The following ZBTB20 variants were observed in gnomAD, a reference collection of about 807,000 sequenced individuals.
ZBTB20 encodes the protein zinc finger and BTB domain containing 20.
In ZBTB20, 9 loss-of-function variants were observed where a neutral mutation model predicts 56.9. The observed-to-expected ratio is 0.16, with a 90% CI of 0.10 to 0.28. The LOEUF is 0.28. ZBTB20 is among the 10% of genes least tolerant of loss of function. ZBTB20 has a pLI of 1.00. For missense variants in ZBTB20, 655 were observed against 1,003.0 expected, an observed-to-expected ratio of 0.65 and a Z score of 4.69; for synonymous variants, 417 against 420.7, an observed-to-expected ratio of 0.99 and a Z score of 0.11.
chr3:114,468,382 C>T (rs1420136872), intron 7 of ZBTB20, among the ~76,000 whole-genome samples: 4 of 152,080 alleles, frequency 2.6e-5, no homozygotes, highest in Non-Finnish European at 4.4e-5. Flanking sequence ...AAAAGCTGCC[C>T]TTGGGACTTA....
chr3:114,596,335 T>C (rs551288904), intron 6 of ZBTB20, among the ~76,000 whole-genome samples: 1 of 152,196 alleles, frequency 6.6e-6, no homozygotes, highest in Non-Finnish European at 1.5e-5. Flanking sequence ...AAACTTAGAA[T>C]GCACAATGAT....
intron 5 of ZBTB20, among the ~76,000 whole-genome samples, chr3:114,785,551 T>G (rs2070416338): frequency 6.6e-6 from 1 of 152,156 alleles, no homozygotes; most frequent in South Asian, 2.1e-4. Context: ...TAAAATTTAT[T>G]TTTTAAGTGG....
chr3:115,091,898 T>C (rs1454167884), intron 1 of ZBTB20, among the ~76,000 whole-genome samples: 1 of 152,014 alleles, frequency 6.6e-6, no homozygotes, highest in Admixed American at 6.6e-5. Context: ...TTACAAACAA[T>C]GGCAATACAA....
intron 3 of ZBTB20, among the ~76,000 whole-genome samples, chr3:114,911,203 G>C (rs1173034731): frequency 6.6e-6 from 1 of 151,946 alleles, no homozygotes; most frequent in South Asian, 2.1e-4. Flanking sequence ...ACCTAAGAAG[G>C]CCATTTTGAG....
At chr3:114,533,346 C>T (rs998043626) in intron 6 of ZBTB20, among the ~76,000 whole-genome samples, 6 of 151,582 alleles carry the variant, frequency 4.0e-5, no homozygotes, top group South Asian at 2.1e-4. Flanking sequence ...ATGAAGCATA[C>T]GCAAGTACCA....
chr3:114,631,982 G>A (rs761386004), intron 6 of ZBTB20, among the ~76,000 whole-genome samples: 3 of 152,166 alleles, frequency 2.0e-5, no homozygotes, highest in African/African-American at 4.8e-5. Context: ...AGCAAGGAGC[G>A]TGGTTGTGAG....
At chr3:114,427,218 G>A (rs2089751535) in intron 7 of ZBTB20, among the ~76,000 whole-genome samples, 1 of 152,148 alleles carries the variant, frequency 6.6e-6, no homozygotes, top group Admixed American at 6.5e-5. Flanking sequence ...CCTCTTGATT[G>A]TTTAATATTA....
Position 114,319,754 on chromosome 3 carries a change from G to A in ZBTB20, c.*19251C>T, listed in dbSNP as rs1377410506. On this transcript the variant is annotated 3_prime_UTR_variant, in exon 12 of 12. Transcript: ENST00000675478. ...ACATGGGAAGTCAGAGGACTGAAGC[G>A]TGTCCATGTGTGTACTGTACACATA... is the stretch of plus-strand genomic sequence containing the variant. 2 of 152,056 alleles carry A rather than the reference G, an allele frequency of 1.3e-5. No individual in the cohort carries two copies. The highest frequency in any genetic ancestry group is 2.4e-5 in the African/African-American group (1 of 41,392). The allele number at this position is 152,056 out of a possible 1,614,324, so 9.4% of individuals were successfully genotyped here. A position where few individuals can be genotyped will look rare whatever the true frequency, so the allele number is the denominator to read the frequency against.
At chr3:115,099,557 T>C (rs1220111480) in intron 1 of ZBTB20, among the ~76,000 whole-genome samples, 1 of 152,216 alleles carries the variant, frequency 6.6e-6, no homozygotes, top group African/African-American at 2.4e-5. Context: ...AATTACTCCA[T>C]TCTTACCCAC....
At chr3:114,975,740 G>A (rs1261077040) in intron 2 of ZBTB20, among the ~76,000 whole-genome samples, 1 of 152,126 alleles carries the variant, frequency 6.6e-6, no homozygotes, top group South Asian at 2.1e-4. Context: ...AAGAAAAAAT[G>A]TTCTGATCAT....
At chr3:114,455,623 G>T (rs1328881080) in intron 7 of ZBTB20, among the ~76,000 whole-genome samples, 1 of 152,092 alleles carries the variant, frequency 6.6e-6, no homozygotes, top group Non-Finnish European at 1.5e-5. Flanking sequence ...GGAGAAGGAT[G>T]CTGGAAGAAG....
intron 7 of ZBTB20, chr3:114,453,515 G>C (rs567893961): frequency 6.6e-5 from 10 of 152,248 alleles, no homozygotes; most frequent in Non-Finnish European, 1.2e-4. Context: ...AGTGGCAAAA[G>C]TAGAAGATGT....
chr3:115,139,138 G>A (rs951455189), intron 1 of ZBTB20, among the ~76,000 whole-genome samples: 6 of 151,900 alleles, frequency 3.9e-5, no homozygotes, highest in Non-Finnish European at 7.4e-5. Flanking sequence ...TTTTGGCTAC[G>A]AGGTGATTTA....
intron 6 of ZBTB20, 133 bp from the exon 7 acceptor site, chr3:114,500,524 A>G (rs971055870): frequency 2.6e-5 from 4 of 152,220 alleles, no homozygotes; most frequent in Non-Finnish European, 5.9e-5. Flanking sequence ...TTGTTCCTAA[A>G]GGAGCCTATT....
chr3:114,935,387 T>C (rs552757797), intron 3 of ZBTB20, among the ~76,000 whole-genome samples: 145 of 152,268 alleles, frequency 9.5e-4, no homozygotes, highest in Middle Eastern at 3.4e-3. Flanking sequence ...ATAAAGACAT[T>C]GAAATTCCAC....
intron 5 of ZBTB20, among the ~76,000 whole-genome samples, chr3:114,767,579 GAGGA>G (rs1428873299): frequency 6.6e-6 from 1 of 151,308 alleles, no homozygotes; most frequent in Non-Finnish European, 1.5e-5. Flanking sequence ...GGAAGGAAGG[GAGGA>G]AGGAAACAGA....
intron 2 of ZBTB20, among the ~76,000 whole-genome samples, chr3:115,026,892 A>G (rs548101964): frequency 6.0e-5 from 9 of 150,954 alleles, no homozygotes; most frequent in African/African-American, 1.9e-4. Context: ...TGTCAACCAC[A>G]GGCATTTCTT....
At chr3:114,795,310 T>C (rs996354064) in intron 5 of ZBTB20, among the ~76,000 whole-genome samples, 6 of 152,066 alleles carry the variant, frequency 3.9e-5, no homozygotes, top group East Asian at 1.9e-4. Flanking sequence ...TATCCTTCAA[T>C]TGGTATTTTT....
At chr3:115,026,076 TAAC>T (rs1649133071) in intron 2 of ZBTB20, among the ~76,000 whole-genome samples, 1 of 150,998 alleles carries the variant, frequency 6.6e-6, no homozygotes, top group African/African-American at 2.4e-5. Context: ...TCTACACATC[TAAC>T]AACATTTAAT....
Sources: gnomAD v4.1 joint callset for allele counts (sites outside exome capture counted in the v4.1 genomes callset) on GRCh38, gnomAD v4.1.1 for gene constraint, MANE v1.5 for transcripts, NCBI Gene and HGNC (gene_info 2026-07-23, HGNC 2026-07-21) for gene names.